The following MYL4 variants were observed in gnomAD, a reference collection of about 807,000 sequenced individuals.
MYL4 encodes the protein atrial myosin light chain 1.
In MYL4, 16 loss-of-function variants were observed where a neutral mutation model predicts 21.6. The observed-to-expected ratio is 0.74, with a 90% CI of 0.50 to 1.12. The LOEUF is 1.12. Among genes scored for constraint, MYL4 ranks in the 50% most tolerant of loss-of-function variants. MYL4 has a pLI of 0.00. For missense variants in MYL4, 249 were observed against 252.9 expected (o/e 0.98, Z 0.11); for synonymous variants, 82 against 95.7 (o/e 0.86, Z 0.83).
At chr17:47,204,881 C>T (rs1380227821), upstream of MYL4, among the ~76,000 whole-genome samples, 1 of 152,208 alleles carries the variant, frequency 6.6e-6, no homozygotes, top group Non-Finnish European at 1.5e-5. Context: ...TTGGCCAGGG[C>T]ATTGCCCTGT....
At chr17:47,192,354 C>CAA in the MYL4 span, among the ~76,000 whole-genome samples, 1 of 78,708 alleles carries the variant, frequency 1.3e-5, no homozygotes, top group Non-Finnish European at 2.6e-5. Flanking sequence ...AACTCCGTCT[C>CAA]AAAAAAAAAA....
intron 4 of MYL4, 48 bp from the exon 5 acceptor site, chr17:47,222,332 C>T: frequency 3.2e-6 from 5 of 1,575,242 alleles, no homozygotes; most frequent in Non-Finnish European, 4.4e-6. Flanking sequence ...CCAGTTCCTC[C>T]TTTGCCATCT....
At chr17:47,197,820 T>A (rs899169045), upstream of MYL4, among the ~76,000 whole-genome samples, 3 of 152,232 alleles carry the variant, frequency 2.0e-5, no homozygotes, top group Non-Finnish European at 4.4e-5. Flanking sequence ...AAATGCATTT[T>A]TGACTTGATA....
In MYL4 at chr17:47,219,960, ACCTACGG is replaced by A; in HGVS notation, c.223_229del (p.Tyr75SerfsTer30). On this transcript the variant is annotated frameshift_variant, in exon 3 of 7. Coordinates refer to ENST00000393450, the MANE Select transcript of MYL4 (RefSeq NM_002476.2). LOFTEE classifies it high-confidence loss of function. Reference sequence around the variant, plus strand: ...GACCCCGACTGGAGAGATGAAGATCACCTACGGCCAGTGCGGGGATGTACTGCGGGCC... The same window carrying A: ...GACCCCGACTGGAGAGATGAAGATCACCAGTGCGGGGATGTACTGCGGGCC... 1 of 1,614,194 alleles carries A rather than the reference ACCTACGG, an allele frequency of 6.2e-7. No homozygotes were observed. The highest frequency in any genetic ancestry group is 1.6e-4 in the Middle Eastern group (1 of 6,062).
intron 3 of MYL4, among the ~76,000 whole-genome samples, chr17:47,221,346 C>T (rs2064854354): frequency 6.6e-6 from 1 of 152,154 alleles, no homozygotes; most frequent in South Asian, 2.1e-4. Context: ...GCACTTCAGA[C>T]CCCTCACATC....
intron 2 of MYL4, among the ~76,000 whole-genome samples, chr17:47,215,963 A>G (rs2064810377): frequency 6.6e-6 from 1 of 152,010 alleles, no homozygotes; most frequent in Non-Finnish European, 1.5e-5. Flanking sequence ...TGTTTTGTAG[A>G]GATGGGGGTC....
At chr17:47,206,672 G>A (rs899088898), upstream of MYL4, among the ~76,000 whole-genome samples, 2 of 152,144 alleles carry the variant, frequency 1.3e-5, no homozygotes, top group Non-Finnish European at 1.5e-5. Flanking sequence ...TATAAAGCAA[G>A]ATAGCAAGAT....
At chr17:47,222,125 G>C (rs2064861116) in intron 4 of MYL4, among the ~76,000 whole-genome samples, 2 of 152,134 alleles carry the variant, frequency 1.3e-5, no homozygotes, top group Non-Finnish European at 2.9e-5. Context: ...GTGGGACTCA[G>C]GGCTTCTGTC....
At chr17:47,213,116 T>C (rs969191579) in intron 1 of MYL4, among the ~76,000 whole-genome samples, 1 of 152,062 alleles carries the variant, frequency 6.6e-6, no homozygotes, top group Non-Finnish European at 1.5e-5. Flanking sequence ...TAGGAAGAGA[T>C]TGAAGGGGCA....
the MYL4 span, among the ~76,000 whole-genome samples, chr17:47,193,006 A>C: frequency 3.9e-5 from 6 of 152,162 alleles, no homozygotes; most frequent in African/African-American, 1.2e-4. Context: ...CTATTCAAAA[A>C]GCTAGACGTG....
chr17:47,216,156 C>A (rs1462456047), intron 2 of MYL4, among the ~76,000 whole-genome samples: 2 of 151,874 alleles, frequency 1.3e-5, no homozygotes, highest in Non-Finnish European at 2.9e-5. Flanking sequence ...GCTTCTCATC[C>A]CTCTCCAGAC....
the MYL4 span, among the ~76,000 whole-genome samples, chr17:47,193,053 G>A: frequency 6.6e-6 from 1 of 152,110 alleles, no homozygotes; most frequent in African/African-American, 2.4e-5. Context: ...CTGAAACATA[G>A]CCCAGAGTAA....
chr17:47,213,868 T>C (rs186267701), intron 2 of MYL4, 42 bp downstream of exon 2: 3 of 1,604,450 alleles, frequency 1.9e-6, no homozygotes, highest in African/African-American at 2.7e-5. Flanking sequence ...TATTGCACTT[T>C]CCTGGAGGAG....
At chr17:47,201,702 C>T (rs958119745) in intron 1 of MYL4, among the ~76,000 whole-genome samples, 15 of 151,732 alleles carry the variant, frequency 9.9e-5, no homozygotes, top group Non-Finnish European at 2.1e-4. Context: ...GTGATCCGCC[C>T]GCCTCGGCCT....
rs1269062393 is a variant in MYL4, at chr17:47,221,771, T to A, written c.403T>A (p.Phe135Ile). The change falls in exon 4 of 7, where the codon TTC becomes ATC. Residue 135 changes from phenylalanine to isoleucine, a missense_variant. Physicochemically the swap from Phe to Ile is conservative, Grantham distance 21. Coordinates refer to ENST00000393450, the MANE Select transcript of MYL4 (RefSeq NM_002476.2). ...RNKEQGTYED[F>I]VEGLRVFDKE... ...CAAGGAGCAGGGCACCTATGAGGAC[T>A]TCGTGGAGGGCCTGCGTGTCTTTGA... 2 of 1,614,202 alleles carry A rather than the reference T, an allele frequency of 1.2e-6. No individual in the cohort carries two copies. Among genetic ancestry groups the A allele is most frequent in the East Asian group, 4.5e-5 (2 of 44,888 alleles).
At chr17:47,217,133 G>C (rs773009237) in intron 2 of MYL4, among the ~76,000 whole-genome samples, 2 of 147,764 alleles carry the variant, frequency 1.4e-5, no homozygotes, top group Non-Finnish European at 3.0e-5. Flanking sequence ...ATTTGTGCCA[G>C]ACACCATGCT....
In MYL4 at chr17:47,220,497, C is replaced by T. The variant is rs113322559; in HGVS notation, c.313+444C>T. On this transcript the variant is annotated intron_variant, in intron 3 of 6. Coordinates refer to ENST00000393450, the MANE Select transcript of MYL4 (RefSeq NM_002476.2). ...TTTCTAATAATGGTTAGAGTACTGA[C>T]GTTTGCAAATTGTTTGGTATAAATT... Among the ~76,000 whole-genome samples the T allele has an allele frequency of 9.3e-3, 1,410 of 152,308 alleles. 37 individuals carry two copies. The highest frequency in any genetic ancestry group is 0.032 in the African/African-American group (1,348 of 41,560).
chr17:47,222,524 T>C (rs1173604206), intron 5 of MYL4, 67 bp downstream of exon 5: 3 of 1,507,982 alleles, frequency 2.0e-6, no homozygotes, highest in Non-Finnish European at 2.8e-6. Flanking sequence ...TTGGGTGGGG[T>C]GGGCCCAGGA....
At chr17:47,199,737 CTTTTTTTTTTTT>C (rs33975035), upstream of MYL4, among the ~76,000 whole-genome samples, 1 of 101,278 alleles carries the variant, frequency 9.9e-6, no homozygotes, top group Non-Finnish European at 1.9e-5. Flanking sequence ...GTAGTAAAGT[CTTTTTTTTTTTT>C]TTTTTTTTGA....
Sources: gnomAD v4.1 joint callset for allele counts (sites outside exome capture counted in the v4.1 genomes callset) on GRCh38, gnomAD v4.1.1 for gene constraint, MANE v1.5 for transcripts, NCBI Gene and HGNC (gene_info 2026-07-23, HGNC 2026-07-21) for gene names.